Variants in ASPRV1 observed in about 807,000 individuals in gnomAD.
ASPRV1 encodes the protein retroviral-like aspartic protease 1.
A neutral mutation model predicts 11.0 loss-of-function variants in ASPRV1; 7 were observed. That is an observed-to-expected ratio of 0.64 (90% CI 0.36 to 1.20). ASPRV1 has a LOEUF of 1.20. Among genes scored for constraint, ASPRV1 ranks in the 50% most tolerant of loss-of-function variants. The probability of loss-of-function intolerance (pLI) is 0.02; values close to 1 mark genes in which losing one functional copy is unlikely to be tolerated. For synonymous variants in ASPRV1, 136 were observed against 138.4 expected, an observed-to-expected ratio of 0.98 and a Z score of 0.12; for missense variants, 299 against 320.0, an observed-to-expected ratio of 0.93 and a Z score of 0.50.
the ASPRV1 span, chr2:70,081,483 G>A: frequency 1.4e-5 from 2 of 143,222 alleles, no homozygotes; most frequent in Admixed American, 1.4e-4. Context: ...GACACAGCAA[G>A]ACTCCATCTT....
chr2:69,961,182 C>T lies in ASPRV1; in HGVS notation c.255G>A (p.Leu85=), dbSNP rs751811211. The stretch of plus-strand genomic sequence containing the variant: ...CAGCCCCAGGGACCCCAAAGGCCTT[C>T]AGGAGGGCCTCTTTCACAGTCCCAT... The part of the protein sequence containing the change: ...GDYGTVKEAL[L]KAFGVPGAAP... The change falls in exon 1 of 1, where the codon CTG becomes CTA. Residue 85 remains leucine, a synonymous_variant. Transcript: ENST00000320256. 6.2e-7 allele frequency: 1 copy of T among 1,613,672 alleles called. No individual in the cohort carries two copies. Among genetic ancestry groups the T allele is most frequent in the Non-Finnish European group, 8.5e-7 (1 of 1,179,780 alleles).
chr2:70,069,971 G>A, the ASPRV1 span, among the ~76,000 whole-genome samples: 1 of 151,976 alleles, frequency 6.6e-6, no homozygotes, highest in Non-Finnish European at 1.5e-5. Flanking sequence ...ATTTTTAAAA[G>A]GCATACACCT....
chr2:70,001,400 A>C, the ASPRV1 span, among the ~76,000 whole-genome samples: 28 of 152,082 alleles, frequency 1.8e-4, no homozygotes, highest in African/African-American at 5.3e-4. Flanking sequence ...GTGGTGGTGC[A>C]TGCCTGTAAT....
the ASPRV1 span, among the ~76,000 whole-genome samples, chr2:69,936,105 G>A: frequency 1.3e-5 from 2 of 151,674 alleles, no homozygotes; most frequent in South Asian, 4.2e-4. Flanking sequence ...CCTCTGCTTG[G>A]TACACTTTCC....
the ASPRV1 span, among the ~76,000 whole-genome samples, chr2:69,997,345 C>T: frequency 6.6e-6 from 1 of 152,146 alleles, no homozygotes; most frequent in Admixed American, 6.5e-5. Context: ...CCGACCTAGG[C>T]CTAGAGATCT....
At chr2:69,981,928 A>C in the ASPRV1 span, among the ~76,000 whole-genome samples, 1 of 152,154 alleles carries the variant, frequency 6.6e-6, no homozygotes, top group Non-Finnish European at 1.5e-5. Flanking sequence ...AGCCAGGTCT[A>C]TGTCGGCAGA....
the ASPRV1 span, among the ~76,000 whole-genome samples, chr2:69,977,712 C>A: frequency 1.3e-5 from 2 of 152,116 alleles, no homozygotes; most frequent in African/African-American, 4.8e-5. Context: ...TCAATATAAC[C>A]CCAATTCTGG....
the ASPRV1 span, among the ~76,000 whole-genome samples, chr2:70,024,615 C>G: frequency 6.6e-6 from 1 of 152,146 alleles, no homozygotes; most frequent in Non-Finnish European, 1.5e-5. Flanking sequence ...TCCTCCTTCC[C>G]TCCTCTCCTC....
At chr2:69,998,729 A>C in the ASPRV1 span, among the ~76,000 whole-genome samples, 1 of 85,948 alleles carries the variant, frequency 1.2e-5, no homozygotes, top group South Asian at 5.9e-4. Context: ...ACTCCGTCTC[A>C]AAAAAAAAAA....
chr2:69,961,364 C>T lies in ASPRV1; in HGVS notation c.73G>A (p.Ala25Thr), dbSNP rs963409737. 6.2e-7 allele frequency: 1 copy of T among 1,614,162 alleles called. No individual in the cohort carries two copies. Among genetic ancestry groups the T allele is most frequent in the Non-Finnish European group, 8.5e-7 (1 of 1,180,040 alleles). Residue 25 changes from alanine to threonine, a missense_variant, in exon 1 of 1, where the codon GCC (alanine) becomes ACC (threonine). Physicochemically the swap from Ala to Thr is moderately conservative, Grantham distance 58. Transcript: ENST00000320256. Reference sequence around the variant, plus strand: ...AGCCAGAGGTTTGGGACGACATTGGCCCCATCAAAAGGTTCCGGGACGAAG... The same window carrying T: ...AGCCAGAGGTTTGGGACGACATTGGTCCCATCAAAAGGTTCCGGGACGAAG... ...HAFVPEPFDG[A>T]NVVPNLWLHS... is the part of the protein sequence containing the mutation.
the ASPRV1 span, chr2:70,000,437 A>AAAC: frequency 6.6e-6 from 1 of 151,868 alleles, no homozygotes; most frequent in Non-Finnish European, 1.5e-5. Context: ...ATACCACACT[A>AAAC]AATAATAATA....
At chr2:70,051,923 C>T in the ASPRV1 span, among the ~76,000 whole-genome samples, 944 of 151,998 alleles carry the variant, frequency 6.2e-3, 9 homozygotes, top group African/African-American at 0.022. Context: ...TGCAGTGAGA[C>T]GAGATCATGC....
chr2:70,030,737 G>C, the ASPRV1 span: 4 of 152,144 alleles, frequency 2.6e-5, no homozygotes, highest in Admixed American at 2.6e-4. Flanking sequence ...TGTGTTGGGA[G>C]TGTGGGCAGT....
the ASPRV1 span, among the ~76,000 whole-genome samples, chr2:70,035,207 T>C: frequency 6.6e-6 from 1 of 152,180 alleles, no homozygotes; most frequent in Non-Finnish European, 1.5e-5. Context: ...CCCACCTCCA[T>C]GAGCCTCCTC....
the ASPRV1 span, among the ~76,000 whole-genome samples, chr2:69,972,563 C>T: frequency 8.3e-4 from 126 of 151,972 alleles, no homozygotes; most frequent in African/African-American, 2.6e-3. Context: ...TCACCACGTT[C>T]GCAGGACTGA....
the ASPRV1 span, among the ~76,000 whole-genome samples, chr2:69,996,227 A>AAC: frequency 2.7e-5 from 4 of 150,546 alleles, no homozygotes; most frequent in African/African-American, 9.8e-5. Flanking sequence ...AAAAAAAAAA[A>AAC]AAAAAAAAAA....
the ASPRV1 span, among the ~76,000 whole-genome samples, chr2:69,990,711 T>C: frequency 6.6e-6 from 1 of 152,162 alleles, no homozygotes; most frequent in African/African-American, 2.4e-5. Context: ...TGCCTTGGCC[T>C]CCCAAAGTGC....
the ASPRV1 span, among the ~76,000 whole-genome samples, chr2:70,044,093 G>C: frequency 6.6e-6 from 1 of 152,060 alleles, no homozygotes; most frequent in Non-Finnish European, 1.5e-5. Flanking sequence ...CCTCAGTCTG[G>C]TTCTCAGAAA....
chr2:70,057,302 T>C, the ASPRV1 span, among the ~76,000 whole-genome samples: 1 of 152,012 alleles, frequency 6.6e-6, no homozygotes, highest in South Asian at 2.1e-4. Context: ...ATATAACAAG[T>C]ATACAGAGTT....
Sources: gnomAD v4.1 joint callset for allele counts (sites outside exome capture counted in the v4.1 genomes callset) on GRCh38, gnomAD v4.1.1 for gene constraint, MANE v1.5 for transcripts, NCBI Gene and HGNC (gene_info 2026-07-23, HGNC 2026-07-21) for gene names.